Variants in CAMTA1 observed in about 807,000 individuals in gnomAD.
CAMTA1 encodes the protein calmodulin-binding transcription activator 1.
A neutral mutation model predicts 170.9 loss-of-function variants in CAMTA1; 27 were observed. The observed-to-expected ratio is 0.16, with a 90% CI of 0.12 to 0.22. The LOEUF (loss-of-function observed/expected upper bound fraction) is 0.22, where lower values mean the gene tolerates loss of function less well. CAMTA1 is among the 10% of genes least tolerant of loss of function. The pLI is 1.00. For missense variants in CAMTA1, 1,619 were observed against 2,217.2 expected (o/e 0.73, Z 5.42); for synonymous variants, 833 against 891.5 (o/e 0.93, Z 1.17).
At chr1:6,930,802 C>T (rs923348980) in intron 3 of CAMTA1, among the ~76,000 whole-genome samples, 5 of 152,214 alleles carry the variant, frequency 3.3e-5, no homozygotes, top group African/African-American at 7.2e-5. Context: ...GAGTAAGGCT[C>T]AGCCCCTGCT....
At chr1:7,712,536 T>C (rs2096578591) in intron 11 of CAMTA1, among the ~76,000 whole-genome samples, 2 of 152,080 alleles carry the variant, frequency 1.3e-5, no homozygotes, top group Non-Finnish European at 2.9e-5. Context: ...CCCAGGCTGG[T>C]CTTGAACTCC....
chr1:7,407,090 C>T (rs1166835431), intron 5 of CAMTA1, among the ~76,000 whole-genome samples: 2 of 152,194 alleles, frequency 1.3e-5, no homozygotes, highest in African/African-American at 4.8e-5. Context: ...GAACACTGCT[C>T]GATTCATTGA....
chr1:7,285,342 A>G (rs1271124538), intron 5 of CAMTA1, among the ~76,000 whole-genome samples: 4 of 152,132 alleles, frequency 2.6e-5, no homozygotes, highest in African/African-American at 4.8e-5. Flanking sequence ...TGGGACTCGC[A>G]CTGCATTTCA....
At chr1:6,959,303 G>C (rs1262010688) in intron 3 of CAMTA1, among the ~76,000 whole-genome samples, 1 of 152,230 alleles carries the variant, frequency 6.6e-6, no homozygotes, top group Non-Finnish European at 1.5e-5. Flanking sequence ...GTGCCTGTGG[G>C]AGGCTGGGGC....
At chr1:7,746,468 T>A (rs1216444008) in intron 18 of CAMTA1, among the ~76,000 whole-genome samples, 1 of 152,198 alleles carries the variant, frequency 6.6e-6, no homozygotes, top group Non-Finnish European at 1.5e-5. Context: ...AAACATGAAA[T>A]TTTTATCAAA....
At chr1:7,126,149 C>T (rs1330872281) in intron 4 of CAMTA1, among the ~76,000 whole-genome samples, 5 of 152,144 alleles carry the variant, frequency 3.3e-5, no homozygotes, top group Non-Finnish European at 7.4e-5. Context: ...AAGCTGCCCC[C>T]ATGATTCAGG....
At chr1:7,553,687 G>A (rs1035863641) in intron 6 of CAMTA1, among the ~76,000 whole-genome samples, 11 of 152,204 alleles carry the variant, frequency 7.2e-5, no homozygotes, top group Non-Finnish European at 1.3e-4. Flanking sequence ...AAAGGAAAGG[G>A]CAGCTTCCCA....
At chr1:6,931,694 T>A (rs1384745157) in intron 3 of CAMTA1, among the ~76,000 whole-genome samples, 2 of 152,204 alleles carry the variant, frequency 1.3e-5, no homozygotes, top group African/African-American at 2.4e-5. Flanking sequence ...GTGGCTGGGC[T>A]GCCTCGCTGT....
chr1:7,662,170 C>T (rs1194761753), intron 8 of CAMTA1, among the ~76,000 whole-genome samples: 6 of 152,184 alleles, frequency 3.9e-5, no homozygotes, highest in Non-Finnish European at 7.4e-5. Flanking sequence ...CTCTGGGGCT[C>T]GGGGCCTCTC....
Position 7,560,842 on chromosome 1 carries a change from G to A in CAMTA1, c.511-79558G>A, listed in dbSNP as rs193003292. Among the ~76,000 whole-genome samples the A allele has an allele frequency of 1.1e-4, 17 of 152,064 alleles. No individual in the cohort carries two copies. In the East Asian group the frequency reaches 1.2e-3, roughly 10 times the overall value. On this transcript the variant is annotated intron_variant, in intron 6 of 22. Coordinates refer to ENST00000303635, the MANE Select transcript of CAMTA1 (RefSeq NM_015215.4). ...GGGGAAGAGAGAACACACAAAGGCT[G>A]GGAGCTGGGGCCTGGAAGGGCAGGG...
chr1:7,317,173 C>A (rs548007322), intron 5 of CAMTA1, among the ~76,000 whole-genome samples: 2 of 152,280 alleles, frequency 1.3e-5, no homozygotes, highest in African/African-American at 4.8e-5. Context: ...GGGGAAGGGA[C>A]CACAGCAGGC....
intron 4 of CAMTA1, among the ~76,000 whole-genome samples, chr1:7,177,611 T>G (rs1350386319): frequency 1.4e-5 from 2 of 140,718 alleles, no homozygotes; most frequent in African/African-American, 2.7e-5. Flanking sequence ...TCCCATACAC[T>G]GAGACTCCTC....
intron 4 of CAMTA1, among the ~76,000 whole-genome samples, chr1:7,151,632 A>G (rs1489902008): frequency 6.6e-6 from 1 of 152,164 alleles, no homozygotes; most frequent in Non-Finnish European, 1.5e-5. Flanking sequence ...CCCAGGCATC[A>G]GGGCAGACAG....
intron 4 of CAMTA1, among the ~76,000 whole-genome samples, chr1:7,138,862 G>A (rs76677728): frequency 0.06 from 9,044 of 151,682 alleles, 642 homozygotes; most frequent in African/African-American, 0.17. Flanking sequence ...GGGTTTTGTG[G>A]TGTGTGCCTG....
chr1:7,745,802 A>G (rs1458371665), intron 17 of CAMTA1, 43 bp from the exon 18 acceptor site: 3 of 1,611,094 alleles, frequency 1.9e-6, no homozygotes, highest in Non-Finnish European at 2.5e-6. Context: ...GGTGGTGCAA[A>G]TCAATCATTA....
At position 7,573,481 on chromosome 1, in the gene CAMTA1, G is replaced by A. The variant is rs139225938; in HGVS notation, c.511-66919G>A. Among the ~76,000 whole-genome samples, 277 of 152,298 alleles carry A rather than the reference G, an allele frequency of 1.8e-3. 1 individual carries two copies. Among genetic ancestry groups the A allele is most frequent in the African/African-American group, 6.1e-3 (255 of 41,564 alleles). On this transcript the variant is annotated intron_variant, in intron 6 of 22. Transcript: ENST00000303635. Reference sequence around the variant, plus strand: ...CTGCCCTAATAAATTACCACTGACCGGGTGGCTTAAAACAGCAGACATTTA... The same window carrying A: ...CTGCCCTAATAAATTACCACTGACCAGGTGGCTTAAAACAGCAGACATTTA...
chr1:7,052,633 C>T (rs990766301), intron 3 of CAMTA1, among the ~76,000 whole-genome samples: 1 of 152,172 alleles, frequency 6.6e-6, no homozygotes, highest in Admixed American at 6.5e-5. Flanking sequence ...TGACCAGGTG[C>T]GTGGCTCGTC....
intron 6 of CAMTA1, among the ~76,000 whole-genome samples, chr1:7,539,773 G>A (rs2094587992): frequency 6.6e-6 from 1 of 152,214 alleles, no homozygotes; most frequent in Non-Finnish European, 1.5e-5. Context: ...AGGAAGGCAG[G>A]GCCAGACGGC....
rs989606329 is a variant in CAMTA1, at chr1:7,674,751, A to T, written c.2780-2848A>T. ...ATCACGCCACTGCACTCCAGCCTGG[A>T]AGACAGAGTAAGACTCTGTCTCAAA... On this transcript the variant is annotated intron_variant, in intron 10 of 22. Coordinates refer to ENST00000303635, the MANE Select transcript of CAMTA1 (RefSeq NM_015215.4). The surrounding 1 kb of genome is among the most constrained non-coding windows in gnomAD (Gnocchi z 4.1). 1.3e-5 allele frequency among the ~76,000 whole-genome samples: 2 copies of T among 152,062 alleles called. No individual in the cohort carries two copies. The highest frequency in any genetic ancestry group is 4.8e-5 in the African/African-American group (2 of 41,380).
Sources: allele counts gnomAD v4.1 joint callset (sites outside exome capture counted in the v4.1 genomes callset), GRCh38; gene constraint gnomAD v4.1.1; non-coding constraint Gnocchi (gnomAD v3.1); transcripts MANE v1.5; gene names NCBI Gene and HGNC (gene_info 2026-07-23, HGNC 2026-07-21).